Variants in KIAA0825 observed in about 807,000 individuals in gnomAD.
KIAA0825 encodes KIAA0825.
Under a neutral mutation model 147.6 loss-of-function variants are expected in KIAA0825, and 119 were observed. The ratio of observed to expected loss-of-function variants is 0.81; its 90% CI spans 0.69 to 0.94. KIAA0825 has a LOEUF of 0.94. Ranked by LOEUF, KIAA0825 falls within the 40% of genes least tolerant of loss-of-function variation. The probability of loss-of-function intolerance (pLI) is 0.00; values close to 1 mark genes in which losing one functional copy is unlikely to be tolerated. For synonymous variants in KIAA0825, 470 were observed against 518.1 expected (o/e 0.91, Z 1.26); for missense variants, 1,381 against 1,472.7 (o/e 0.94, Z 1.02).
chr5:94,478,119 C>T (rs750943542), intron 6 of KIAA0825, among the ~76,000 whole-genome samples: 1 of 152,094 alleles, frequency 6.6e-6, no homozygotes, highest in African/African-American at 2.4e-5. Flanking sequence ...CCAGTAGATG[C>T]GTGTTTTCTT....
At chr5:94,254,420 G>A (rs1776132056) in intron 20 of KIAA0825, among the ~76,000 whole-genome samples, 1 of 152,112 alleles carries the variant, frequency 6.6e-6, no homozygotes, top group Non-Finnish European at 1.5e-5. Flanking sequence ...GCTGTCTTAA[G>A]TGGTATTGGT....
intron 20 of KIAA0825, among the ~76,000 whole-genome samples, chr5:94,250,290 A>G (rs889269836): frequency 2.0e-5 from 3 of 152,158 alleles, no homozygotes; most frequent in Non-Finnish European, 4.4e-5. Context: ...CAAAGTTGGC[A>G]TATATTAAAA....
chr5:94,383,274 T>C (rs941718023), intron 20 of KIAA0825, among the ~76,000 whole-genome samples: 1 of 152,196 alleles, frequency 6.6e-6, no homozygotes, highest in African/African-American at 2.4e-5. Context: ...TGAAATATTA[T>C]AAATACCACT....
chr5:94,478,780 T>A (rs996711182), intron 6 of KIAA0825, among the ~76,000 whole-genome samples: 1 of 152,082 alleles, frequency 6.6e-6, no homozygotes, highest in Admixed American at 6.6e-5. Context: ...AATATGGAAA[T>A]TTTTTTAAAA....
chr5:94,442,987 G>C (rs1757273884), intron 13 of KIAA0825, among the ~76,000 whole-genome samples: 1 of 152,048 alleles, frequency 6.6e-6, no homozygotes, highest in African/African-American at 2.4e-5. Flanking sequence ...GTTTTCCTTA[G>C]CCCTTCAGTC....
intron 20 of KIAA0825, among the ~76,000 whole-genome samples, chr5:94,358,163 C>A (rs1396062029): frequency 1.3e-5 from 2 of 152,134 alleles, no homozygotes; most frequent in East Asian, 3.9e-4. Context: ...TTCAGTTGGC[C>A]GGTATTCTTA....
chr5:94,158,053 T>A (rs1462564916), intron 20 of KIAA0825, among the ~76,000 whole-genome samples: 1 of 152,168 alleles, frequency 6.6e-6, no homozygotes, highest in Admixed American at 6.5e-5. Flanking sequence ...AATAGTGTTC[T>A]GAATAAGAGC....
At chr5:94,605,983 G>A (rs1165697213) in intron 1 of KIAA0825, among the ~76,000 whole-genome samples, 6 of 152,264 alleles carry the variant, frequency 3.9e-5, no homozygotes, top group Middle Eastern at 3.4e-3. Context: ...ATCTGTTTGC[G>A]GATGACATGA....
intron 2 of KIAA0825, among the ~76,000 whole-genome samples, chr5:94,566,559 A>G (rs1281544650): frequency 6.6e-6 from 1 of 152,092 alleles, no homozygotes; most frequent in Non-Finnish European, 1.5e-5. Flanking sequence ...TTCTTGATAT[A>G]TTTTTGCATA....
chr5:94,446,836 A>G (rs1407109536), intron 13 of KIAA0825, among the ~76,000 whole-genome samples: 1 of 152,198 alleles, frequency 6.6e-6, no homozygotes, highest in Non-Finnish European at 1.5e-5. Context: ...TATAAATGGA[A>G]GTCAACATGT....
chr5:94,346,309 T>C (rs1460705312), intron 20 of KIAA0825, among the ~76,000 whole-genome samples: 3 of 152,166 alleles, frequency 2.0e-5, no homozygotes, highest in African/African-American at 7.2e-5. Flanking sequence ...ACAAGCAGAA[T>C]GGATTTATAA....
intron 20 of KIAA0825, among the ~76,000 whole-genome samples, chr5:94,230,630 G>C (rs958587401): frequency 3.3e-5 from 5 of 152,050 alleles, no homozygotes; most frequent in African/African-American, 7.2e-5. Context: ...TTTTTGTGAG[G>C]TCTCAGAAGA....
intron 20 of KIAA0825, among the ~76,000 whole-genome samples, chr5:94,212,252 C>T (rs1042165334): frequency 5.3e-5 from 8 of 152,054 alleles, no homozygotes; most frequent in African/African-American, 9.7e-5. Flanking sequence ...GCAAAACGAT[C>T]GAATTCTTCA....
chr5:94,573,103 G>A (rs555451036), intron 2 of KIAA0825, among the ~76,000 whole-genome samples: 1 of 146,034 alleles, frequency 6.8e-6, no homozygotes, highest in South Asian at 2.3e-4. Context: ...TCAGAAAAGC[G>A]GGACAACTCA....
intron 20 of KIAA0825, among the ~76,000 whole-genome samples, chr5:94,293,448 T>C (rs575380712): frequency 6.6e-6 from 1 of 152,374 alleles, no homozygotes; most frequent in East Asian, 1.9e-4. Flanking sequence ...TCCTGAGTTC[T>C]AATTTGATTG....
At chr5:94,432,849 G>T (rs1206251616) in intron 14 of KIAA0825, among the ~76,000 whole-genome samples, 1 of 151,952 alleles carries the variant, frequency 6.6e-6, no homozygotes, top group Non-Finnish European at 1.5e-5. Flanking sequence ...AACATAGCAA[G>T]ACCCCATTTC....
At position 94,224,082 on chromosome 5, in the gene KIAA0825, C is replaced by CTTTTTTTTTTTTTTTTTTTTTT. The variant is rs869059424; in HGVS notation, c.3711-69980_3711-69959dup. On this transcript the variant is annotated intron_variant, in intron 20 of 20. Transcript: ENST00000682413. Reference sequence around the variant, plus strand: ...TTTCTTTTCTCTTTCTTTTTCTTTTCTTTTTTTTTTTTTTTTTTTTTTTTT... The same window carrying CTTTTTTTTTTTTTTTTTTTTTT: ...TTTCTTTTCTCTTTCTTTTTCTTTTCTTTTTTTTTTTTTTTTTTTTTTTTTTTTTTTTTTTTTTTTTTTTTTT... 7.1e-4 allele frequency among the ~76,000 whole-genome samples: 40 copies of CTTTTTTTTTTTTTTTTTTTTTT among 56,478 alleles called. 2 individuals carry two copies. Among genetic ancestry groups the CTTTTTTTTTTTTTTTTTTTTTT allele is most frequent in the Admixed American group, 8.8e-4 (3 of 3,396 alleles). The allele number at this position is 56,478 out of a possible 152,430, so 37.1% of individuals were successfully genotyped here. A position where few individuals can be genotyped will look rare whatever the true frequency, so the allele number is the denominator to read the frequency against.
chr5:94,373,310 G>A (rs1400259565), intron 20 of KIAA0825, among the ~76,000 whole-genome samples: 1 of 152,004 alleles, frequency 6.6e-6, no homozygotes, highest in African/African-American at 2.4e-5. Flanking sequence ...TCCTCCCTTG[G>A]TACCAATTTA....
At chr5:94,576,031 A>T (rs1332557787) in intron 2 of KIAA0825, among the ~76,000 whole-genome samples, 2 of 152,206 alleles carry the variant, frequency 1.3e-5, no homozygotes, top group Non-Finnish European at 2.9e-5. Context: ...AGACATAATG[A>T]TTTTGAGTAG....
Sources: gnomAD v4.1 joint callset for allele counts (sites outside exome capture counted in the v4.1 genomes callset) on GRCh38, gnomAD v4.1.1 for gene constraint, MANE v1.5 for transcripts, NCBI Gene and HGNC (gene_info 2026-07-23, HGNC 2026-07-21) for gene names.